BCKDHB: variants seen among roughly 807,000 people sequenced by gnomAD.
BCKDHB encodes 2-oxoisovalerate dehydrogenase subunit beta, mitochondrial.
A neutral mutation model predicts 48.5 loss-of-function variants in BCKDHB; 41 were observed. The ratio of observed to expected loss-of-function variants is 0.85; its 90% CI spans 0.66 to 1.10. The LOEUF is 1.10. Ranked by LOEUF, BCKDHB falls within the 50% of genes least tolerant of loss-of-function variation. BCKDHB has a pLI of 0.00. For synonymous variants in BCKDHB, 201 were observed against 174.8 expected (o/e 1.15, Z -1.18); for missense variants, 496 against 494.2 (o/e 1.00, Z -0.03).
At chr6:80,451,511 G>A in the BCKDHB span, among the ~76,000 whole-genome samples, 3 of 152,078 alleles carry the variant, frequency 2.0e-5, no homozygotes, top group Non-Finnish European at 4.4e-5. Context: ...GCCTAGGCGG[G>A]TGGACCACTT....
chr6:80,141,019 T>C (rs553495123), intron 3 of BCKDHB, among the ~76,000 whole-genome samples: 1 of 152,220 alleles, frequency 6.6e-6, no homozygotes, highest in Non-Finnish European at 1.5e-5. Flanking sequence ...AACTTCTTCC[T>C]GGTTTAGTCT....
At chr6:80,182,677 G>A (rs565305964) in intron 6 of BCKDHB, among the ~76,000 whole-genome samples, 2 of 152,064 alleles carry the variant, frequency 1.3e-5, no homozygotes, top group African/African-American at 4.8e-5. Flanking sequence ...TGAATATATA[G>A]AATACATTTA....
chr6:80,314,416 G>A (rs1241193688), intron 9 of BCKDHB, among the ~76,000 whole-genome samples: 1 of 152,162 alleles, frequency 6.6e-6, no homozygotes, highest in African/African-American at 2.4e-5. Context: ...CCACAGGCTG[G>A]ACCAGCTGAG....
chr6:80,164,721 G>C (rs752664058), intron 3 of BCKDHB, among the ~76,000 whole-genome samples: 4 of 152,172 alleles, frequency 2.6e-5, no homozygotes, highest in Non-Finnish European at 4.4e-5. Flanking sequence ...TGGAGCCTTA[G>C]AGTGTTTAGT....
intron 6 of BCKDHB, among the ~76,000 whole-genome samples, chr6:80,188,560 G>A (rs1773754796): frequency 6.6e-6 from 1 of 152,018 alleles, no homozygotes; most frequent in Non-Finnish European, 1.5e-5. Context: ...GATCACTCGA[G>A]CCTGGGAGGT....
chr6:80,234,829 TTA>T (rs34504496), intron 8 of BCKDHB, among the ~76,000 whole-genome samples: 1 of 150,550 alleles, frequency 6.6e-6, no homozygotes. Flanking sequence ...AGACAATGTT[TTA>T]TATATATATA....
intron 8 of BCKDHB, among the ~76,000 whole-genome samples, chr6:80,250,207 A>T (rs1776779961): frequency 6.6e-6 from 1 of 152,132 alleles, no homozygotes; most frequent in South Asian, 2.1e-4. Flanking sequence ...GGTTGAGGAG[A>T]TAACTGAAGC....
At chr6:80,433,632 C>T in the BCKDHB span, among the ~76,000 whole-genome samples, 18 of 152,234 alleles carry the variant, frequency 1.2e-4, no homozygotes, top group East Asian at 1.9e-4. Flanking sequence ...CCAGACTACT[C>T]GGCTCCCTGG....
At chr6:80,224,592 C>T (rs11961506) in intron 8 of BCKDHB, among the ~76,000 whole-genome samples, 2 of 152,050 alleles carry the variant, frequency 1.3e-5, no homozygotes, top group African/African-American at 2.4e-5. Flanking sequence ...GACGGGCTTT[C>T]GCCATGTTGC....
At chr6:80,458,526 G>C in the BCKDHB span, among the ~76,000 whole-genome samples, 1 of 152,176 alleles carries the variant, frequency 6.6e-6, no homozygotes, top group Non-Finnish European at 1.5e-5. Context: ...ACGGATTCCT[G>C]TCTAGGCCAC....
chr6:80,307,297 G>C (rs1305772201), intron 9 of BCKDHB, among the ~76,000 whole-genome samples: 1 of 152,006 alleles, frequency 6.6e-6, no homozygotes, highest in Non-Finnish European at 1.5e-5. Flanking sequence ...TAACATATAG[G>C]GTTCCATGAG....
rs147356071 is a variant in BCKDHB, at chr6:80,182,747, T to A, written c.742+11357T>A. Among the ~76,000 whole-genome samples, 265 of 152,310 alleles carry A rather than the reference T, an allele frequency of 1.7e-3. 1 individual carries two copies. The highest frequency in any genetic ancestry group is 6.0e-3 in the African/African-American group (251 of 41,580). ...AAAATATTGTATTATAAACATTGTT[T>A]TGTAACTTGCTTTGCAAATTATTTT... On this transcript the variant is annotated intron_variant, in intron 6 of 9. Transcript: ENST00000320393.
Position 80,203,127 on chromosome 6 carries a change from C to T in BCKDHB, c.866C>T (p.Ser289Phe), listed in dbSNP as rs762438504. 1 of 1,612,712 alleles carries T rather than the reference C, an allele frequency of 6.2e-7. No individual in the cohort carries two copies. Among genetic ancestry groups the T allele is most frequent in the East Asian group, 2.2e-5 (1 of 44,826 alleles). The stretch of plus-strand genomic sequence containing the variant: ...GTTCATGTGATCCGAGAGGTAGCTT[C>T]CATGGCAAAAGAAAAGCTTGGAGTG... ...TQVHVIREVA[S>F]MAKEKLGVSC... The change falls in exon 8 of 10, where the codon TCC becomes TTC. Residue 289 changes from serine (S) to phenylalanine (F), a missense_variant. Transcript: ENST00000320393.
intron 8 of BCKDHB, among the ~76,000 whole-genome samples, chr6:80,260,174 C>CA (rs1357471051): frequency 6.6e-6 from 1 of 151,648 alleles, no homozygotes; most frequent in Non-Finnish European, 1.5e-5. Context: ...TACTGATGGC[C>CA]AAAATAAGCA....
chr6:80,322,896 C>CTTTTTTTTTTTTTTTTT (rs34177726), intron 9 of BCKDHB, among the ~76,000 whole-genome samples: 55 of 115,498 alleles, frequency 4.8e-4, no homozygotes, highest in Non-Finnish European at 5.4e-4. Context: ...TTTCTTTTTT[C>CTTTTTTTTTTTTTTTTT]TTTTTTTTTT....
chr6:80,192,559 CAG>C (rs1253266040), intron 6 of BCKDHB, among the ~76,000 whole-genome samples: 1 of 151,988 alleles, frequency 6.6e-6, no homozygotes, highest in African/African-American at 2.4e-5. Context: ...TGCTGCATAC[CAG>C]AGAGTACAGT....
intron 8 of BCKDHB, among the ~76,000 whole-genome samples, chr6:80,240,599 T>A (rs1045329349): frequency 6.6e-6 from 1 of 152,210 alleles, no homozygotes; most frequent in Non-Finnish European, 1.5e-5. Context: ...TATACAATCA[T>A]GTCATCTGCA....
chr6:80,186,964 G>A (rs999570574), intron 6 of BCKDHB, among the ~76,000 whole-genome samples: 1 of 152,192 alleles, frequency 6.6e-6, no homozygotes, highest in Non-Finnish European at 1.5e-5. Context: ...TTTTTCAGCT[G>A]TCTCATGGAG....
Position 80,141,218 on chromosome 6 carries a change from C to T in BCKDHB, c.343+11989C>T, listed in dbSNP as rs568007299. On this transcript the variant is annotated intron_variant, in intron 3 of 9. Coordinates refer to ENST00000320393, the MANE Select transcript of BCKDHB (RefSeq NM_183050.4). Reference sequence around the variant, plus strand: ...TTTTCTTCTTTATTAGTCTTGCTAGCGGTCTATCAATTTTGTTGATCCTTT... The same window carrying T: ...TTTTCTTCTTTATTAGTCTTGCTAGTGGTCTATCAATTTTGTTGATCCTTT... Among the ~76,000 whole-genome samples the T allele has an allele frequency of 2.0e-4, 31 of 151,776 alleles. No homozygotes were observed. The East Asian group carries it at 3.9e-3, about 19-fold the overall frequency.
Sources: gnomAD v4.1 joint callset for allele counts (sites outside exome capture counted in the v4.1 genomes callset) on GRCh38, gnomAD v4.1.1 for gene constraint, MANE v1.5 for transcripts, NCBI Gene and HGNC (gene_info 2026-07-23, HGNC 2026-07-21) for gene names.